Variants in LRP1B observed in about 807,000 individuals in gnomAD.
LRP1B encodes low-density lipoprotein receptor-related protein 1B.
LRP1B carries 217 observed loss-of-function variants against 556.6 expected under a neutral mutation model. The ratio of observed to expected loss-of-function variants is 0.39; its 90% CI spans 0.35 to 0.44. The LOEUF is 0.44. Ranked by LOEUF, LRP1B falls within the 20% of genes least tolerant of loss-of-function variation. The pLI is 1.00. For missense variants in LRP1B, 5,053 were observed against 5,620.8 expected (o/e 0.90, Z 3.23); for synonymous variants, 2,047 against 1,865.8 (o/e 1.10, Z -2.50).
chr2:141,770,003 A>G (rs553166443), intron 2 of LRP1B, among the ~76,000 whole-genome samples: 2 of 152,330 alleles, frequency 1.3e-5, no homozygotes, highest in Admixed American at 6.5e-5. Flanking sequence ...GACCACTTAC[A>G]AAGAGTTAGT....
At chr2:141,390,538 G>A (rs1690012105) in intron 3 of LRP1B, among the ~76,000 whole-genome samples, 1 of 152,224 alleles carries the variant, frequency 6.6e-6, no homozygotes, top group African/African-American at 2.4e-5. Context: ...AAGTCTGGAT[G>A]TTCTTCAATG....
chr2:140,731,953 C>A (rs532204916), intron 35 of LRP1B, among the ~76,000 whole-genome samples: 15 of 151,876 alleles, frequency 9.9e-5, no homozygotes, highest in Middle Eastern at 3.4e-3. Context: ...AGTTTAAACT[C>A]AAGGGTCAAA....
intron 1 of LRP1B, among the ~76,000 whole-genome samples, chr2:142,003,954 A>G (rs1420775265): frequency 6.6e-6 from 1 of 152,210 alleles, no homozygotes; most frequent in Non-Finnish European, 1.5e-5. Context: ...AGGAAATAGC[A>G]TAACAATTGC....
chr2:141,442,675 C>T lies in LRP1B; in HGVS notation c.343+37721G>A, dbSNP rs117058166. Among the ~76,000 whole-genome samples, 143 of 151,950 alleles carry T rather than the reference C, an allele frequency of 9.4e-4. 1 individual carries two copies. Among genetic ancestry groups the T allele is most frequent in the African/African-American group, 2.7e-3 (112 of 41,426 alleles). Reference sequence around the variant, plus strand: ...ACTCCTACTTATGAGTGAGAACACGCGGTGTTTGATTTTCTGTTACTATGT... The same window carrying T: ...ACTCCTACTTATGAGTGAGAACACGTGGTGTTTGATTTTCTGTTACTATGT... On this transcript the variant is annotated intron_variant, in intron 3 of 90. Coordinates refer to ENST00000389484, the MANE Select transcript of LRP1B (RefSeq NM_018557.3).
chr2:140,890,905 A>G (rs539518720), intron 23 of LRP1B, among the ~76,000 whole-genome samples: 1 of 152,122 alleles, frequency 6.6e-6, no homozygotes. Flanking sequence ...TAATCTTGAC[A>G]TAACTATATT....
At chr2:142,048,334 A>G (rs1228737150) in intron 1 of LRP1B, among the ~76,000 whole-genome samples, 2 of 152,130 alleles carry the variant, frequency 1.3e-5, no homozygotes, top group Non-Finnish European at 2.9e-5. Flanking sequence ...TAACATGGCC[A>G]ACATCACAGC....
At chr2:142,009,737 ATG>A in intron 1 of LRP1B, among the ~76,000 whole-genome samples, 1 of 152,272 alleles carries the variant, frequency 6.6e-6, no homozygotes, top group East Asian at 1.9e-4. Flanking sequence ...GTATGCATGC[ATG>A]TGTATTTTAT....
chr2:141,963,419 G>A (rs1442876673), intron 1 of LRP1B, among the ~76,000 whole-genome samples: 1 of 151,742 alleles, frequency 6.6e-6, no homozygotes, highest in Non-Finnish European at 1.5e-5. Flanking sequence ...TTCATCCCTG[G>A]GATGCAAGGC....
intron 2 of LRP1B, among the ~76,000 whole-genome samples, chr2:141,632,869 CAAAAA>C (rs55807294): frequency 3.8e-5 from 5 of 133,222 alleles, no homozygotes; most frequent in Admixed American, 7.5e-5. Context: ...CTACAAGAAC[CAAAAA>C]AAAAAAAAAA....
chr2:141,437,659 A>G (rs1680811867), intron 3 of LRP1B, among the ~76,000 whole-genome samples: 1 of 151,884 alleles, frequency 6.6e-6, no homozygotes, highest in Admixed American at 6.6e-5. Context: ...GGGGTATAGT[A>G]TTTTTCAAAC....
intron 1 of LRP1B, among the ~76,000 whole-genome samples, chr2:142,043,399 C>T (rs1270359151): frequency 1.3e-5 from 2 of 151,502 alleles, no homozygotes; most frequent in African/African-American, 4.8e-5. Flanking sequence ...AACTAAATGA[C>T]AAGTTGAACC....
At chr2:140,965,804 G>GCT (rs1553438378) in intron 18 of LRP1B, among the ~76,000 whole-genome samples, 3 of 144,982 alleles carry the variant, frequency 2.1e-5, no homozygotes, top group African/African-American at 7.6e-5. Context: ...AACATGCAGT[G>GCT]TTTTTTTTTT....
chr2:140,535,711 T>C (rs959125950), intron 46 of LRP1B, among the ~76,000 whole-genome samples: 8 of 152,156 alleles, frequency 5.3e-5, no homozygotes, highest in Non-Finnish European at 1.0e-4. Flanking sequence ...AAATATACAA[T>C]GATTATCAAT....
intron 2 of LRP1B, among the ~76,000 whole-genome samples, chr2:141,591,402 G>A (rs1188419393): frequency 6.9e-6 from 1 of 144,538 alleles, no homozygotes; most frequent in Admixed American, 7.0e-5. Context: ...TGGGCCAAGT[G>A]CTGACCAGGC....
At chr2:140,415,472 C>A (rs552165295) in intron 66 of LRP1B, among the ~76,000 whole-genome samples, 1 of 152,120 alleles carries the variant, frequency 6.6e-6, no homozygotes, top group African/African-American at 2.4e-5. Flanking sequence ...TATCATGGTC[C>A]TACCAATATG....
chr2:142,080,605 G>A (rs1289316655), intron 1 of LRP1B, among the ~76,000 whole-genome samples: 6 of 144,848 alleles, frequency 4.1e-5, no homozygotes, highest in African/African-American at 9.9e-5. Context: ...TGTAATAAAA[G>A]CAATCACTCA....
At chr2:141,592,356 T>C (rs74356747) in intron 2 of LRP1B, among the ~76,000 whole-genome samples, 3,057 of 152,252 alleles carry the variant, frequency 0.02, 103 homozygotes, top group African/African-American at 0.07. Context: ...GGTAAGGACC[T>C]GCATTTTGGT....
At chr2:142,073,535 C>G (rs1016551314) in intron 1 of LRP1B, among the ~76,000 whole-genome samples, 2 of 152,034 alleles carry the variant, frequency 1.3e-5, no homozygotes, top group Non-Finnish European at 2.9e-5. Flanking sequence ...GTAGCTGCTT[C>G]TTTATTTGGG....
At chr2:140,695,085 T>C (rs1574250419) in intron 41 of LRP1B, among the ~76,000 whole-genome samples, 1 of 150,854 alleles carries the variant, frequency 6.6e-6, no homozygotes, top group South Asian at 2.1e-4. Flanking sequence ...CTTGGTGGGG[T>C]TTTTTAAGCT....
Sources: allele counts gnomAD v4.1 joint callset (sites outside exome capture counted in the v4.1 genomes callset), GRCh38; gene constraint gnomAD v4.1.1; transcripts MANE v1.5; gene names NCBI Gene and HGNC (gene_info 2026-07-23, HGNC 2026-07-21).